Variants in AGO2 observed in about 807,000 individuals in gnomAD.
The protein encoded by AGO2 is argonaute RISC catalytic component 2.
AGO2 carries 5 observed loss-of-function variants against 102.3 expected under a neutral mutation model. The observed-to-expected ratio is 0.05, with a 90% CI of 0.03 to 0.10. AGO2 has a LOEUF of 0.10. Ranked by LOEUF, AGO2 falls within the 10% of genes least tolerant of loss-of-function variation. The pLI is 1.00. For synonymous variants in AGO2, 449 were observed against 473.1 expected, an observed-to-expected ratio of 0.95 and a Z score of 0.66; for missense variants, 541 against 1,183.7, an observed-to-expected ratio of 0.46 and a Z score of 7.97.
chr8:140,597,480 C>CCCCCCCCCCCCCCCCCCCCCA (rs2073864620), intron 1 of AGO2, among the ~76,000 whole-genome samples: 2 of 132,126 alleles, frequency 1.5e-5, no homozygotes, highest in African/African-American at 2.7e-5. Context: ...CCCCACCCCC[C>CCCCCCCCCCCCCCCCCCCCCA]CCCCCCCGCC....
rs552733258 is a variant in AGO2, at chr8:140,540,086, C to CA, written c.2035-633dup. On this transcript the variant is annotated intron_variant, in intron 15 of 18. Coordinates refer to ENST00000220592, the MANE Select transcript of AGO2 (RefSeq NM_012154.5). The surrounding 1 kb of genome is among the most constrained non-coding windows in gnomAD (Gnocchi z 5.0). The stretch of plus-strand genomic sequence containing the variant: ...GACTGGAGACAGCGAGAGTCTTTCT[C>CA]AAAAAAAACAAACAAAAAAACAAAA... Among the ~76,000 whole-genome samples the CA allele has an allele frequency of 2.0e-4, 30 of 151,472 alleles. No homozygotes were observed. Among genetic ancestry groups the CA allele is most frequent in the East Asian group, 1.4e-3 (7 of 5,170 alleles).
intron 1 of AGO2, among the ~76,000 whole-genome samples, chr8:140,624,389 A>C (rs903569493): frequency 2.0e-5 from 3 of 152,198 alleles, no homozygotes; most frequent in South Asian, 2.1e-4. Flanking sequence ...CGTGGCAGTG[A>C]CCACCTCACC....
intron 12 of AGO2, among the ~76,000 whole-genome samples, chr8:140,548,414 C>T (rs550538927): frequency 6.6e-6 from 1 of 151,942 alleles, no homozygotes; most frequent in South Asian, 2.1e-4. Flanking sequence ...AATAAAAACA[C>T]TGGCACCCTC....
At chr8:140,599,718 A>AT (rs2073903986) in intron 1 of AGO2, among the ~76,000 whole-genome samples, 1 of 151,792 alleles carries the variant, frequency 6.6e-6, no homozygotes. Context: ...CCCTCTCACG[A>AT]TTTTTTTGTT....
intron 1 of AGO2, among the ~76,000 whole-genome samples, chr8:140,619,443 C>T (rs1359296638): frequency 1.3e-5 from 2 of 152,174 alleles, no homozygotes; most frequent in Non-Finnish European, 1.5e-5. Flanking sequence ...CCCAGAGGCA[C>T]GGCTCAGACC....
chr8:140,558,091 G>A (rs570609324), intron 7 of AGO2, among the ~76,000 whole-genome samples: 1 of 152,306 alleles, frequency 6.6e-6, no homozygotes, highest in African/African-American at 2.4e-5. Flanking sequence ...TCCGGCCTGC[G>A]TACCAAACCG....
At chr8:140,619,563 G>GCGC (rs1255897494) in intron 1 of AGO2, among the ~76,000 whole-genome samples, 5 of 152,192 alleles carry the variant, frequency 3.3e-5, no homozygotes, top group African/African-American at 4.8e-5. Context: ...GCCGCTCACT[G>GCGC]CGCCGCAGAG....
chr8:140,610,508 C>T (rs1279573563), intron 1 of AGO2, among the ~76,000 whole-genome samples: 2 of 152,174 alleles, frequency 1.3e-5, no homozygotes, highest in Non-Finnish European at 2.9e-5. Context: ...CGTGGGCCAC[C>T]GTGCCTGGCC....
chr8:140,577,971 T>A (rs977773821), intron 2 of AGO2, among the ~76,000 whole-genome samples: 1 of 152,190 alleles, frequency 6.6e-6, no homozygotes, highest in African/African-American at 2.4e-5. Flanking sequence ...AAGGAGGCTG[T>A]TCGGTCATGC....
chr8:140,547,847 G>A (rs573566756), intron 12 of AGO2, among the ~76,000 whole-genome samples: 2 of 152,362 alleles, frequency 1.3e-5, no homozygotes, highest in South Asian at 2.1e-4. Flanking sequence ...ACTCCAGCAC[G>A]GCTGTGCCCG....
upstream of AGO2, chr8:140,637,984 T>C (rs2074421356): frequency 6.6e-6 from 1 of 152,336 alleles, no homozygotes; most frequent in African/African-American, 2.4e-5. Context: ...CTGGGTCTTC[T>C]GGACCCAGTG....
chr8:140,617,488 A>G (rs1029624000), intron 1 of AGO2, among the ~76,000 whole-genome samples: 5 of 152,086 alleles, frequency 3.3e-5, no homozygotes, highest in Non-Finnish European at 5.9e-5. Context: ...CCTGACCTCA[A>G]GTGATCCACC....
chr8:140,552,741 C>CGCGT (rs750482783), intron 10 of AGO2, among the ~76,000 whole-genome samples: 1 of 8,524 alleles, frequency 1.2e-4, no homozygotes, highest in South Asian at 3.4e-3. Flanking sequence ...CGCGCGCGCG[C>CGCGT]ACACACACAC....
intron 1 of AGO2, among the ~76,000 whole-genome samples, chr8:140,630,788 C>T (rs774714967): frequency 6.6e-6 from 1 of 152,198 alleles, no homozygotes; most frequent in Non-Finnish European, 1.5e-5. Context: ...TGAAAGAGGA[C>T]CACAAAAAGG....
chr8:140,635,443 C>G (rs1432617306), intron 1 of AGO2, 42 bp downstream of exon 1: 4 of 979,788 alleles, frequency 4.1e-6, no homozygotes, highest in Non-Finnish European at 4.8e-6. Flanking sequence ...CGGGCAGGAG[C>G]GCGCGAACGG....
intron 2 of AGO2, among the ~76,000 whole-genome samples, chr8:140,577,783 C>T (rs1315773654): frequency 6.6e-6 from 1 of 152,190 alleles, no homozygotes; most frequent in Non-Finnish European, 1.5e-5. Flanking sequence ...TACAACCGAG[C>T]CCCACTACTG....
At chr8:140,624,063 C>T (rs565258245) in intron 1 of AGO2, among the ~76,000 whole-genome samples, 4 of 152,226 alleles carry the variant, frequency 2.6e-5, no homozygotes, top group East Asian at 1.9e-4. Context: ...AGGTGCAGGG[C>T]GAGCGCGATG....
In AGO2 at chr8:140,544,014, G is replaced by A. The variant is rs2072847321; in HGVS notation, c.1839+199C>T. On this transcript the variant is annotated intron_variant, in intron 14 of 18. Transcript: ENST00000220592. ...GAGCCCCTATGCCCCACCTCTGACT[G>A]CTTCTTAGAACTTATTTTGTGTCAT... 2.6e-5 allele frequency among the ~76,000 whole-genome samples: 4 copies of A among 152,328 alleles called. No individual in the cohort carries two copies. The South Asian group carries it at 8.3e-4, about 32-fold the overall frequency.
At chr8:140,583,751 T>C (rs1185535975) in intron 2 of AGO2, among the ~76,000 whole-genome samples, 1 of 152,168 alleles carries the variant, frequency 6.6e-6, no homozygotes, top group African/African-American at 2.4e-5. Context: ...GGCAGGTGCC[T>C]GTAATCCCAG....
Sources: gnomAD v4.1 joint callset for allele counts (sites outside exome capture counted in the v4.1 genomes callset) on GRCh38, gnomAD v4.1.1 for gene constraint, Gnocchi (gnomAD v3.1) non-coding constraint, MANE v1.5 for transcripts, NCBI Gene and HGNC (gene_info 2026-07-23, HGNC 2026-07-21) for gene names.